The following MKX variants were observed in gnomAD, a reference collection of about 807,000 sequenced individuals.
The protein encoded by MKX is homeobox protein Mohawk.
A neutral mutation model predicts 36.0 loss-of-function variants in MKX; 13 were observed. The observed-to-expected ratio is 0.36, with a 90% CI of 0.24 to 0.57. The LOEUF is 0.57. Among genes scored for constraint, MKX ranks in the 20% least tolerant of loss-of-function variants. The pLI is 0.79. For synonymous variants in MKX, 176 were observed against 178.3 expected, an observed-to-expected ratio of 0.99 and a Z score of 0.10; for missense variants, 458 against 456.4, an observed-to-expected ratio of 1.00 and a Z score of -0.03.
rs1204969403 is a variant in MKX, at chr10:27,744,571, T to G, written c.-82-1074A>C. On this transcript the variant is annotated intron_variant, in intron 1 of 6. Coordinates refer to ENST00000419761, the MANE Select transcript of MKX (RefSeq NM_173576.3). This position sits in a 1 kb window ranked among gnomAD's most constrained non-coding sequence, Gnocchi z 5.6. ...TACAGCCCCAAGGCGCGCGGCGGAC[T>G]TCGCCCGCCCCATCTCCTCGCCTCG... is the stretch of plus-strand genomic sequence containing the variant. 3.3e-5 allele frequency among the ~76,000 whole-genome samples: 5 copies of G among 151,962 alleles called. No homozygotes were observed. The highest frequency in any genetic ancestry group is 1.2e-4 in the African/African-American group (5 of 41,414).
chr10:27,686,701 T>C (rs1836360479), intron 5 of MKX, among the ~76,000 whole-genome samples: 2 of 152,020 alleles, frequency 1.3e-5, no homozygotes, highest in African/African-American at 4.8e-5. Context: ...GGTCTCAAAC[T>C]CTCAACCTCA....
intron 5 of MKX, among the ~76,000 whole-genome samples, chr10:27,711,499 TTTCCTTCCTTCCTTCCTTC>T (rs1836867568): frequency 2.1e-5 from 2 of 93,076 alleles, no homozygotes; most frequent in African/African-American, 1.0e-4. Flanking sequence ...CTCTCTCTTC[TTTCCTTCCTTCCTTCCTTC>T]CTTCCTTCCT....
chr10:27,690,292 G>A (rs56277926), intron 5 of MKX, among the ~76,000 whole-genome samples: 121,899 of 151,812 alleles, frequency 0.8, 49,008 homozygotes, highest in Admixed American at 0.84. Flanking sequence ...ATTCATTTGA[G>A]CCCGGAGGCG....
At chr10:27,711,494 T>TTCCTTCCTTC (rs773287899) in intron 5 of MKX, among the ~76,000 whole-genome samples, 5 of 34,168 alleles carry the variant, frequency 1.5e-4, no homozygotes, top group South Asian at 1.1e-3. Flanking sequence ...TCTCTCTCTC[T>TTCCTTCCTTC]CTTCTTTCCT....
chr10:27,745,250 A>G (rs1265749630), intron 1 of MKX, among the ~76,000 whole-genome samples: 2 of 152,180 alleles, frequency 1.3e-5, no homozygotes, highest in Non-Finnish European at 2.9e-5. Flanking sequence ...GATCGCAGAC[A>G]CAGACACCCG....
intron 5 of MKX, among the ~76,000 whole-genome samples, chr10:27,723,166 T>C (rs1343128225): frequency 6.6e-6 from 1 of 152,028 alleles, no homozygotes; most frequent in Admixed American, 6.6e-5. Context: ...AAAATATACA[T>C]ACAAAATTTT....
Position 27,744,181 on chromosome 10 carries a change from C to T in MKX, c.-82-684G>A, listed in dbSNP as rs1429781822. On this transcript the variant is annotated intron_variant, in intron 1 of 6. Transcript: ENST00000419761. This position sits in a 1 kb window ranked among gnomAD's most constrained non-coding sequence, Gnocchi z 5.6. ...AGCACCACTTCTCCCCCTTCTCTCC[C>T]AGAATCTTCCTATCATCCCCCAACG... is the stretch of plus-strand genomic sequence containing the variant. Among the ~76,000 whole-genome samples, 1 of 152,070 alleles carries T rather than the reference C, an allele frequency of 6.6e-6. No homozygotes were observed. Among genetic ancestry groups the T allele is most frequent in the African/African-American group, 2.4e-5 (1 of 41,398 alleles).
At chr10:27,708,286 C>T (rs1467651196) in intron 5 of MKX, among the ~76,000 whole-genome samples, 4 of 152,156 alleles carry the variant, frequency 2.6e-5, no homozygotes, top group African/African-American at 9.7e-5. Context: ...TCTCACTTCA[C>T]ACTTTTTTTT....
At chr10:27,675,470 A>C in intron 6 of MKX, 51 bp downstream of exon 6, 1 of 1,614,020 alleles carries the variant, frequency 6.2e-7, no homozygotes, top group African/African-American at 1.3e-5. Flanking sequence ...GTTTGCATTG[A>C]AAATGCCATC....
intron 5 of MKX, among the ~76,000 whole-genome samples, chr10:27,714,074 T>C (rs1836920893): frequency 6.6e-6 from 1 of 150,656 alleles, no homozygotes; most frequent in South Asian, 2.1e-4. Flanking sequence ...GGCATGACAT[T>C]TGATCTGACA....
intron 5 of MKX, among the ~76,000 whole-genome samples, chr10:27,680,608 C>T (rs1300710546): frequency 1.3e-5 from 2 of 152,056 alleles, no homozygotes; most frequent in African/African-American, 4.8e-5. Context: ...ATATATATTC[C>T]TGATGTTATA....
At chr10:27,735,398 T>G (rs1485646239) in intron 3 of MKX, 24 bp from the exon 4 acceptor site, 1 of 1,591,104 alleles carries the variant, frequency 6.3e-7, no homozygotes, top group Non-Finnish European at 8.6e-7. Context: ...ATTTTTCAAT[T>G]AACAAAACTT....
At chr10:27,745,562 G>C (rs1835036468) in intron 1 of MKX, 145 bp downstream of exon 1, 1 of 152,408 alleles carries the variant, frequency 6.6e-6, no homozygotes, top group Non-Finnish European at 1.5e-5. Flanking sequence ...GGCCAGCCTT[G>C]GCCGCTACCC....
chr10:27,710,812 T>C (rs1209511782), intron 5 of MKX, among the ~76,000 whole-genome samples: 1 of 152,046 alleles, frequency 6.6e-6, no homozygotes, highest in Non-Finnish European at 1.5e-5. Context: ...CATGAGTCAC[T>C]ACATATGGGC....
intron 5 of MKX, 44 bp downstream of exon 5, chr10:27,734,412 T>C (rs1235742998): frequency 1.3e-6 from 2 of 1,538,814 alleles, no homozygotes; most frequent in Non-Finnish European, 1.8e-6. Context: ...TAATTGTGCT[T>C]TAAACAGGTA....
intron 5 of MKX, among the ~76,000 whole-genome samples, chr10:27,726,685 C>T (rs575726981): frequency 6.8e-6 from 1 of 147,616 alleles, no homozygotes; most frequent in Admixed American, 6.8e-5. Context: ...CTCTCTTAAA[C>T]ATTTCATTGT....
chr10:27,692,902 G>A (rs1836480960), intron 5 of MKX, among the ~76,000 whole-genome samples: 1 of 152,166 alleles, frequency 6.6e-6, no homozygotes, highest in African/African-American at 2.4e-5. Context: ...AGAGGAACAG[G>A]GACTAGGGTA....
At chr10:27,738,497 T>C (rs1834825782) in intron 3 of MKX, among the ~76,000 whole-genome samples, 1 of 152,092 alleles carries the variant, frequency 6.6e-6, no homozygotes, top group African/African-American at 2.4e-5. Context: ...TGGAACAGAA[T>C]TTTAATGTCA....
At chr10:27,682,717 G>A (rs977282408) in intron 5 of MKX, among the ~76,000 whole-genome samples, 2 of 151,668 alleles carry the variant, frequency 1.3e-5, no homozygotes, top group Admixed American at 6.6e-5. Flanking sequence ...GCAGTGGCTC[G>A]TGCTTATAAT....
Sources: gnomAD v4.1 joint callset for allele counts (sites outside exome capture counted in the v4.1 genomes callset) on GRCh38, gnomAD v4.1.1 for gene constraint, Gnocchi (gnomAD v3.1) non-coding constraint, MANE v1.5 for transcripts, NCBI Gene and HGNC (gene_info 2026-07-23, HGNC 2026-07-21) for gene names.